The following AGPAT4 variants were observed in gnomAD, a reference collection of about 807,000 sequenced individuals.
AGPAT4 encodes the protein 1-acyl-sn-glycerol-3-phosphate acyltransferase delta.
A neutral mutation model predicts 48.0 loss-of-function variants in AGPAT4; 15 were observed. That is an observed-to-expected ratio of 0.31 (90% confidence interval 0.21 to 0.48). The LOEUF (loss-of-function observed/expected upper bound fraction) is 0.48. AGPAT4 is among the 20% of genes least tolerant of loss of function. The pLI is 0.99. For missense variants in AGPAT4, 314 were observed against 482.5 expected (o/e 0.65, Z 3.27); for synonymous variants, 178 against 198.7 (o/e 0.90, Z 0.88).
Position 161,177,048 on chromosome 6 carries a change from G to A in AGPAT4, c.179-10631C>T, listed in dbSNP as rs1001122692. 1.3e-5 allele frequency among the ~76,000 whole-genome samples: 2 copies of A among 152,154 alleles called. No individual in the cohort carries two copies. The highest frequency in any genetic ancestry group is 2.9e-5 in the Non-Finnish European group (2 of 68,020). The stretch of plus-strand genomic sequence containing the variant: ...ATGGGCTTCCTTTTGTGGGTAAATT[G>A]ATCTTTCTCTCTGACTGCCCTTAAC... On this transcript the variant is annotated intron_variant, in intron 2 of 8. Coordinates refer to ENST00000320285, the MANE Select transcript of AGPAT4 (RefSeq NM_020133.3). The surrounding 1 kb of genome is among the most constrained non-coding windows in gnomAD (Gnocchi z 5.0).
intron 2 of AGPAT4, among the ~76,000 whole-genome samples, chr6:161,190,001 C>A (rs1405957277): frequency 6.6e-6 from 1 of 152,084 alleles, no homozygotes; most frequent in East Asian, 1.9e-4. Flanking sequence ...ATGCACCTTA[C>A]GGTCAATGAC....
At chr6:161,252,115 G>T (rs1002128846) in intron 1 of AGPAT4, among the ~76,000 whole-genome samples, 1 of 152,178 alleles carries the variant, frequency 6.6e-6, no homozygotes, top group Admixed American at 6.5e-5. Flanking sequence ...AGGAATGTGT[G>T]CAGCAGTAGA....
At chr6:161,153,647 T>C (rs1029837295) in intron 4 of AGPAT4, 148 bp from the exon 5 acceptor site, 1 of 980,868 alleles carries the variant, frequency 1.0e-6, no homozygotes, top group African/African-American at 1.7e-5. Context: ...AGCCCTGAGG[T>C]CACACACAGC....
rs996405553 is a variant in AGPAT4, at chr6:161,233,268, G to C, written c.-89-966C>G. ...GAATAATGAAATGACTTTACAGTTT[G>C]GGAAATAAAAGCTTTCCTTTGAGGA... On this transcript the variant is annotated intron_variant, in intron 1 of 8. Coordinates refer to ENST00000320285, the MANE Select transcript of AGPAT4 (RefSeq NM_020133.3). This position sits in a 1 kb window ranked among gnomAD's most constrained non-coding sequence, Gnocchi z 5.4. Among the ~76,000 whole-genome samples the C allele has an allele frequency of 6.6e-6, 1 of 152,154 alleles. No individual in the cohort carries two copies. Among genetic ancestry groups the C allele is most frequent in the Non-Finnish European group, 1.5e-5 (1 of 68,036 alleles).
chr6:161,216,796 T>G lies in AGPAT4; in HGVS notation c.178+15240A>C, dbSNP rs1034697029. 2.0e-5 allele frequency among the ~76,000 whole-genome samples: 3 copies of G among 152,176 alleles called. No individual in the cohort carries two copies. The highest frequency in any genetic ancestry group is 4.8e-5 in the African/African-American group (2 of 41,444). ...ACCCATCAGATCTCGTGAGACTTACTATCACGAGACTAGCACGAGAAAAAC... is the reference window on the plus strand; with the variant it reads ...ACCCATCAGATCTCGTGAGACTTACGATCACGAGACTAGCACGAGAAAAAC... On this transcript the variant is annotated intron_variant, in intron 2 of 8. Coordinates refer to ENST00000320285, the MANE Select transcript of AGPAT4 (RefSeq NM_020133.3). This position sits in a 1 kb window ranked among gnomAD's most constrained non-coding sequence, Gnocchi z 4.8.
In AGPAT4 at chr6:161,130,362, TATGTAC is replaced by T. The variant is rs1268960564; in HGVS notation, c.*6172_*6177del. 1 of 154,780 alleles carries T rather than the reference TATGTAC, an allele frequency of 6.5e-6. No individual in the cohort carries two copies. The highest frequency in any genetic ancestry group is 1.4e-5 in the Non-Finnish European group (1 of 69,538). The allele number at this position is 154,780 out of a possible 1,614,324, so 9.6% of individuals were successfully genotyped here. A position where few individuals can be genotyped will look rare whatever the true frequency, so the allele number is the denominator to read the frequency against. Reference sequence around the variant, plus strand: ...TCTCCTGGCCATTACTGCTTGCTTTTATGTACTGAAAAGTCATCCATTGAATGGTCT... The same window carrying T: ...TCTCCTGGCCATTACTGCTTGCTTTTTGAAAAGTCATCCATTGAATGGTCT... On this transcript the variant is annotated 3_prime_UTR_variant, in exon 9 of 9. Transcript: ENST00000320285.
rs1395825912 is a variant in AGPAT4 at position 161,234,245 on chromosome 6, A to C, written c.-89-1943T>G. Among the ~76,000 whole-genome samples the C allele has an allele frequency of 6.6e-6, 1 of 152,208 alleles. No homozygotes were observed. The highest frequency in any genetic ancestry group is 1.5e-5 in the Non-Finnish European group (1 of 68,044). ...TTTGCACTTACTGGGACTATCCAGA[A>C]GGCAGGCTGCATTCCTGCAAGATTC... On this transcript the variant is annotated intron_variant, in intron 1 of 8. Coordinates refer to ENST00000320285, the MANE Select transcript of AGPAT4 (RefSeq NM_020133.3). This position sits in a 1 kb window ranked among gnomAD's most constrained non-coding sequence, Gnocchi z 4.4.
Position 161,218,417 on chromosome 6 carries a change from A to G in AGPAT4, c.178+13619T>C, listed in dbSNP as rs540814990. ...ATGCACGACTCCCTCTGCTGGCATG[A>G]TGGTCTGACTAAGTGGGGAAATCAC... On this transcript the variant is annotated intron_variant, in intron 2 of 8. Coordinates refer to ENST00000320285, the MANE Select transcript of AGPAT4 (RefSeq NM_020133.3). This position sits in a 1 kb window ranked among gnomAD's most constrained non-coding sequence, Gnocchi z 4.7. Among the ~76,000 whole-genome samples, 1 of 152,320 alleles carries G rather than the reference A, an allele frequency of 6.6e-6. No individual in the cohort carries two copies. Among genetic ancestry groups the G allele is most frequent in the East Asian group, 1.9e-4 (1 of 5,182 alleles).
In AGPAT4 at chr6:161,132,270, G is replaced by A. The variant is rs9355875; in HGVS notation, c.*4270C>T. 6.6e-6 allele frequency: 1 copy of A among 152,188 alleles called. No homozygotes were observed. The highest frequency in any genetic ancestry group is 1.5e-5 in the Non-Finnish European group (1 of 68,026). 9.4% of individuals were successfully genotyped at this position (152,188 alleles called of 1,614,324 possible). A position where few individuals can be genotyped will look rare whatever the true frequency, so the allele number is the denominator to read the frequency against. ...TCTTTGTAGGGAAGCACCCTTCTGA[G>A]ATGAAACCAATTTCTTGTCCACACA... On this transcript the variant is annotated 3_prime_UTR_variant, in exon 9 of 9. Transcript: ENST00000320285.
rs1779936062 is a variant in AGPAT4, at chr6:161,161,543, T to C, written c.348+4705A>G. 2.2e-6 allele frequency: 1 copy of C among 455,012 alleles called. No homozygotes were observed. The highest frequency in any genetic ancestry group is 2.0e-5 in the African/African-American group (1 of 50,042). 28.2% of individuals were successfully genotyped at this position (455,012 alleles called of 1,614,324 possible). On this transcript the variant is annotated intron_variant, in intron 3 of 8. Coordinates refer to ENST00000320285, the MANE Select transcript of AGPAT4 (RefSeq NM_020133.3). This position sits in a 1 kb window ranked among gnomAD's most constrained non-coding sequence, Gnocchi z 4.6. ...GCAGCACTGGGTATCTGCCATAGGC[T>C]CAGGTGATGCCAGCAGTGAGCAGGG...
chr6:161,239,922 T>G (rs969642811), intron 1 of AGPAT4, among the ~76,000 whole-genome samples: 1 of 152,136 alleles, frequency 6.6e-6, no homozygotes, highest in Non-Finnish European at 1.5e-5. Context: ...AGGACAAAAT[T>G]AACTTTCAGA....
chr6:161,173,982 T>G (rs1780354379), intron 2 of AGPAT4, among the ~76,000 whole-genome samples: 1 of 152,182 alleles, frequency 6.6e-6, no homozygotes, highest in South Asian at 2.1e-4. Flanking sequence ...TTCTGAGGGC[T>G]CTGTTCTGTT....
rs1450863892 is a variant in AGPAT4, at chr6:161,184,254, T to C, written c.179-17837A>G. On this transcript the variant is annotated intron_variant, in intron 2 of 8. Coordinates refer to ENST00000320285, the MANE Select transcript of AGPAT4 (RefSeq NM_020133.3). This position sits in a 1 kb window ranked among gnomAD's most constrained non-coding sequence, Gnocchi z 4.8. ...GGCTCGGTGGGCATAGTGGAAATGGTGAGAAATGATCATATTTAGGATGAT... is the reference window on the plus strand; with the variant it reads ...GGCTCGGTGGGCATAGTGGAAATGGCGAGAAATGATCATATTTAGGATGAT... Among the ~76,000 whole-genome samples, 2 of 147,770 alleles carry C rather than the reference T, an allele frequency of 1.4e-5. No individual in the cohort carries two copies. The highest frequency in any genetic ancestry group is 3.0e-5 in the Non-Finnish European group (2 of 66,408).
At chr6:161,205,580 G>A (rs1199038342) in intron 2 of AGPAT4, among the ~76,000 whole-genome samples, 4 of 151,982 alleles carry the variant, frequency 2.6e-5, no homozygotes, top group Non-Finnish European at 5.9e-5. Context: ...CAATTACCAT[G>A]GAACATCAAC....
chr6:161,194,626 G>A (rs1351966451), intron 2 of AGPAT4, among the ~76,000 whole-genome samples: 1 of 128,354 alleles, frequency 7.8e-6, no homozygotes, highest in Non-Finnish European at 1.8e-5. Context: ...GTACATGTGT[G>A]TATGTGTATG....
At position 161,254,578 on chromosome 6, in the gene AGPAT4, C is replaced by T. The variant is rs1006936575; in HGVS notation, c.-90+19360G>A. On this transcript the variant is annotated intron_variant, in intron 1 of 8. Coordinates refer to ENST00000320285, the MANE Select transcript of AGPAT4 (RefSeq NM_020133.3). This position sits in a 1 kb window ranked among gnomAD's most constrained non-coding sequence, Gnocchi z 5.9. Reference sequence around the variant, plus strand: ...TTATGTCCTTTCACTCCTCTGCTTACAGTAAGAAATAACTAAGTATTGGGA... The same window carrying T: ...TTATGTCCTTTCACTCCTCTGCTTATAGTAAGAAATAACTAAGTATTGGGA... Among the ~76,000 whole-genome samples, 1 of 152,196 alleles carries T rather than the reference C, an allele frequency of 6.6e-6. No homozygotes were observed. The highest frequency in any genetic ancestry group is 1.5e-5 in the Non-Finnish European group (1 of 68,034).
rs1205309840 is a variant in AGPAT4, at chr6:161,219,262, A to C, written c.178+12774T>G. ...TTTTGATTCCTTAAAAAAAAAATTA[A>C]ATATGCACCATTAGCATATACAACT... is the stretch of plus-strand genomic sequence containing the variant. On this transcript the variant is annotated intron_variant, in intron 2 of 8. Transcript: ENST00000320285. This position sits in a 1 kb window ranked among gnomAD's most constrained non-coding sequence, Gnocchi z 4.9. Among the ~76,000 whole-genome samples, 1 of 152,112 alleles carries C rather than the reference A, an allele frequency of 6.6e-6. No homozygotes were observed. The highest frequency in any genetic ancestry group is 6.5e-5 in the Admixed American group (1 of 15,282).
chr6:161,149,151 C>T lies in AGPAT4; in HGVS notation c.767+36G>A. The T allele has an allele frequency of 6.2e-7, 1 of 1,602,658 alleles. No individual in the cohort carries two copies. Among genetic ancestry groups the T allele is most frequent in the Non-Finnish European group, 8.5e-7 (1 of 1,175,834 alleles). On this transcript the variant is annotated intron_variant, in intron 6 of 8. Coordinates refer to ENST00000320285, the MANE Select transcript of AGPAT4 (RefSeq NM_020133.3). The surrounding 1 kb of genome is among the most constrained non-coding windows in gnomAD (Gnocchi z 6.5). Reference sequence around the variant, plus strand: ...TGTGATGTGTTTACTTTGAAATGGGCACTGTCTTTTCTGGAAAGGAAACAG... The same window carrying T: ...TGTGATGTGTTTACTTTGAAATGGGTACTGTCTTTTCTGGAAAGGAAACAG...
In AGPAT4 at chr6:161,259,791, G is replaced by A. The variant is rs1025975536; in HGVS notation, c.-90+14147C>T. 2.6e-5 allele frequency among the ~76,000 whole-genome samples: 4 copies of A among 152,046 alleles called. No homozygotes were observed. The highest frequency in any genetic ancestry group is 2.4e-5 in the African/African-American group (1 of 41,396). On this transcript the variant is annotated intron_variant, in intron 1 of 8. Coordinates refer to ENST00000320285, the MANE Select transcript of AGPAT4 (RefSeq NM_020133.3). The surrounding 1 kb of genome is among the most constrained non-coding windows in gnomAD (Gnocchi z 4.9). ...CCAAGGAAGAGAGTTAAGAACTGCCGAAAGAAAATGAAAGTCTTCCGGACA... is the reference window on the plus strand; with the variant it reads ...CCAAGGAAGAGAGTTAAGAACTGCCAAAAGAAAATGAAAGTCTTCCGGACA...
Sources: allele counts gnomAD v4.1 joint callset (sites outside exome capture counted in the v4.1 genomes callset), GRCh38; gene constraint gnomAD v4.1.1; non-coding constraint Gnocchi (gnomAD v3.1); transcripts MANE v1.5; gene names NCBI Gene and HGNC (gene_info 2026-07-23, HGNC 2026-07-21).